The following C8orf34 variants were observed in gnomAD, a reference collection of about 807,000 sequenced individuals.
The protein encoded by C8orf34 is chromosome 8 open reading frame 34, also known as uncharacterized protein C8orf34.
C8orf34 carries 65 observed loss-of-function variants against 68.3 expected under a neutral mutation model. The observed-to-expected ratio is 0.95, with a 90% CI of 0.78 to 1.17. The LOEUF (loss-of-function observed/expected upper bound fraction) is 1.17. Among genes scored for constraint, C8orf34 ranks in the 50% most tolerant of loss-of-function variants. The pLI is 0.00. For missense variants in C8orf34, 664 were observed against 655.4 expected, an observed-to-expected ratio of 1.01 and a Z score of -0.14; for synonymous variants, 244 against 241.2, an observed-to-expected ratio of 1.01 and a Z score of -0.11.
chr8:68,480,106 C>T (rs1010697048), intron 4 of C8orf34, among the ~76,000 whole-genome samples: 4 of 152,324 alleles, frequency 2.6e-5, no homozygotes, highest in African/African-American at 9.6e-5. Flanking sequence ...ACCAAAATCT[C>T]AACTTGAATT....
At chr8:68,800,484 T>G (rs371324156) in intron 12 of C8orf34, among the ~76,000 whole-genome samples, 2 of 152,282 alleles carry the variant, frequency 1.3e-5, no homozygotes, top group East Asian at 3.9e-4. Flanking sequence ...TTTTTAAAAC[T>G]TTGCTTTTAC....
intron 12 of C8orf34, among the ~76,000 whole-genome samples, chr8:68,804,036 T>C (rs1269929034): frequency 3.3e-5 from 5 of 152,156 alleles, no homozygotes; most frequent in Non-Finnish European, 5.9e-5. Context: ...TAAAAAAAAA[T>C]CATCAGTAAC....
intron 7 of C8orf34, among the ~76,000 whole-genome samples, chr8:68,548,066 A>G (rs1265753165): frequency 6.6e-6 from 1 of 151,820 alleles, no homozygotes; most frequent in Non-Finnish European, 1.5e-5. Flanking sequence ...TATAGCCCAA[A>G]CATAAAAGCA....
chr8:68,529,274 G>A (rs750624109), intron 6 of C8orf34, among the ~76,000 whole-genome samples: 4 of 152,122 alleles, frequency 2.6e-5, no homozygotes, highest in Non-Finnish European at 5.9e-5. Flanking sequence ...GTCACAGGAC[G>A]ACCTCTTGTC....
intron 1 of C8orf34, among the ~76,000 whole-genome samples, chr8:68,422,433 A>C (rs1810020168): frequency 6.6e-6 from 1 of 152,198 alleles, no homozygotes; most frequent in African/African-American, 2.4e-5. Context: ...TTAAAGTTCC[A>C]AAATAATCTC....
chr8:68,556,017 ACAGT>A (rs1338110306), intron 7 of C8orf34, among the ~76,000 whole-genome samples: 1 of 152,192 alleles, frequency 6.6e-6, no homozygotes, highest in African/African-American at 2.4e-5. Flanking sequence ...GCATTTTGTG[ACAGT>A]CAGTCAGCCA....
At chr8:68,812,794 G>A (rs1184096056) in intron 12 of C8orf34, among the ~76,000 whole-genome samples, 2 of 152,100 alleles carry the variant, frequency 1.3e-5, no homozygotes, top group African/African-American at 2.4e-5. Context: ...AAGATCACTT[G>A]AGAAGGGGCC....
chr8:68,739,496 CA>C (rs112383698), intron 10 of C8orf34, among the ~76,000 whole-genome samples: 3 of 149,492 alleles, frequency 2.0e-5, no homozygotes, highest in South Asian at 4.2e-4. Context: ...ACAGTTGCCA[CA>C]AAAAAAAATA....
intron 5 of C8orf34, among the ~76,000 whole-genome samples, chr8:68,518,555 A>T (rs908130053): frequency 1.3e-5 from 2 of 152,166 alleles, no homozygotes; most frequent in Admixed American, 6.5e-5. Context: ...CCAAACTCAT[A>T]GTCCAAGGTA....
At chr8:68,716,083 T>C (rs894437694) in intron 9 of C8orf34, among the ~76,000 whole-genome samples, 2 of 152,020 alleles carry the variant, frequency 1.3e-5, no homozygotes, top group African/African-American at 4.8e-5. Context: ...CCAAATATCA[T>C]ATGTTCTCAC....
chr8:68,552,607 C>G (rs977016411), intron 7 of C8orf34, among the ~76,000 whole-genome samples: 2 of 151,982 alleles, frequency 1.3e-5, no homozygotes, highest in African/African-American at 4.8e-5. Context: ...TTTCTATATA[C>G]AAGACCAAAA....
At chr8:68,763,567 C>T (rs747912983) in intron 10 of C8orf34, among the ~76,000 whole-genome samples, 1 of 152,162 alleles carries the variant, frequency 6.6e-6, no homozygotes, top group African/African-American at 2.4e-5. Context: ...TATTCATACT[C>T]AATTTCCTGT....
rs1160845483 is a variant in C8orf34 at position 68,567,577 on chromosome 8, C to CTTTTTTTTTTTTT, written c.1105+34451_1105+34463dup. Among the ~76,000 whole-genome samples the CTTTTTTTTTTTTT allele has an allele frequency of 2.7e-4, 8 of 29,792 alleles. 3 individuals are homozygous for CTTTTTTTTTTTTT. Among genetic ancestry groups the CTTTTTTTTTTTTT allele is most frequent in the Admixed American group, 6.4e-4 (1 of 1,572 alleles). The allele number at this position is 29,792 out of a possible 152,430, so 19.5% of individuals were successfully genotyped here. On this transcript the variant is annotated intron_variant, in intron 7 of 13. Coordinates refer to ENST00000518698, the MANE Select transcript of C8orf34 (RefSeq NM_052958.4). ...TCTTTTCAAATTTTGTTTCATTTAT[C>CTTTTTTTTTTTTT]TTTTTTTTTTTTTTTTTTTTTTTTT...
At chr8:68,424,992 T>G (rs1810147411) in intron 1 of C8orf34, among the ~76,000 whole-genome samples, 1 of 152,174 alleles carries the variant, frequency 6.6e-6, no homozygotes, top group African/African-American at 2.4e-5. Context: ...TGAAAATCAT[T>G]TAATATAATT....
chr8:68,776,427 C>A lies in C8orf34; in HGVS notation c.1433C>A (p.Ser478Ter), dbSNP rs1315007049. The change falls in exon 11 of 14, where the codon TCA becomes TAA. Residue 478 changes from serine (S) to a stop codon, truncating the protein, a stop_gained. Transcript: ENST00000518698. LOFTEE classifies it high-confidence loss of function. ...GAAGCCTCCAGTGGAGTAGGACACT[C>A]ACTGAAAAACTACATGGAAGAAGTG... ...PGEASSGVGH[S>*]LKNYMEEDES... 1.2e-6 allele frequency: 2 copies of A among 1,613,230 alleles called. No homozygotes were observed. Among genetic ancestry groups the A allele is most frequent in the African/African-American group, 2.7e-5 (2 of 75,002 alleles).
chr8:68,728,779 A>G (rs1821904046), intron 10 of C8orf34, among the ~76,000 whole-genome samples: 1 of 152,240 alleles, frequency 6.6e-6, no homozygotes, highest in South Asian at 2.1e-4. Flanking sequence ...TTGAGATTTC[A>G]GTGGGGACAC....
chr8:68,476,402 A>G (rs1297617630), intron 4 of C8orf34, among the ~76,000 whole-genome samples: 1 of 152,216 alleles, frequency 6.6e-6, no homozygotes, highest in Non-Finnish European at 1.5e-5. Context: ...GAGAGTCAAG[A>G]TGTGTCGTGG....
chr8:68,525,914 G>T, intron 6 of C8orf34: 1 of 228,728 alleles, frequency 4.4e-6, no homozygotes, highest in South Asian at 5.1e-5. Context: ...CATTGTGGCA[G>T]CATGGAAAGA....
At chr8:68,571,615 G>A (rs139297263) in intron 7 of C8orf34, among the ~76,000 whole-genome samples, 355 of 152,120 alleles carry the variant, frequency 2.3e-3, no homozygotes, top group African/African-American at 8.2e-3. Context: ...AAAAAGAGGA[G>A]GAAAAATTCT....
Sources: gnomAD v4.1 joint callset for allele counts (sites outside exome capture counted in the v4.1 genomes callset) on GRCh38, gnomAD v4.1.1 for gene constraint, MANE v1.5 for transcripts, NCBI Gene and HGNC (gene_info 2026-07-23, HGNC 2026-07-21) for gene names.